Variants in COLQ observed in about 807,000 individuals in gnomAD.
COLQ encodes collagen like tail subunit of asymmetric acetylcholinesterase, also known as acetylcholinesterase collagenic tail peptide.
A neutral mutation model predicts 69.0 loss-of-function variants in COLQ; 48 were observed. The ratio of observed to expected loss-of-function variants is 0.70; its 90% CI spans 0.55 to 0.88. The LOEUF (loss-of-function observed/expected upper bound fraction) is 0.88, where lower values mean the gene tolerates loss of function less well. Ranked by LOEUF, COLQ falls within the 40% of genes least tolerant of loss-of-function variation. The pLI is 0.00. For missense variants in COLQ, 618 were observed against 594.6 expected (o/e 1.04, Z -0.41); for synonymous variants, 217 against 211.2 (o/e 1.03, Z -0.24).
At chr3:15,492,666 CAA>C (rs72252382) in intron 1 of COLQ, among the ~76,000 whole-genome samples, 43 of 130,734 alleles carry the variant, frequency 3.3e-4, no homozygotes, top group South Asian at 1.2e-3. Context: ...GACTCCGTCT[CAA>C]AAAAAAAAAA....
intron 1 of COLQ, among the ~76,000 whole-genome samples, chr3:15,514,938 T>C (rs184143779): frequency 2.6e-5 from 4 of 152,376 alleles, no homozygotes; most frequent in East Asian, 1.9e-4. Flanking sequence ...AGAAATACTT[T>C]TTGTTTTTAA....
At chr3:15,477,079 C>G in intron 6 of COLQ, 47 bp downstream of exon 6, 1 of 1,529,048 alleles carries the variant, frequency 6.5e-7, no homozygotes, top group Non-Finnish European at 8.9e-7. Flanking sequence ...CATCTTCCCC[C>G]CTCTTGTTTT....
chr3:15,492,046 G>A (rs777257155), intron 1 of COLQ, among the ~76,000 whole-genome samples: 1 of 145,912 alleles, frequency 6.9e-6, no homozygotes, highest in African/African-American at 2.5e-5. Flanking sequence ...AACAGAGTGA[G>A]ACTCCATCTC....
intron 14 of COLQ, 78 bp downstream of exon 14, chr3:15,456,382 G>C: frequency 6.3e-7 from 1 of 1,593,034 alleles, no homozygotes; most frequent in Non-Finnish European, 8.6e-7. Context: ...GGCCCAGTGG[G>C]GTGGCCTTCC....
Position 15,473,188 on chromosome 3 carries a change from T to C in COLQ, c.636+812A>G, listed in dbSNP as rs1035085610. On this transcript the variant is annotated intron_variant, in intron 10 of 16. Coordinates refer to ENST00000383788, the MANE Select transcript of COLQ (RefSeq NM_005677.4). The surrounding 1 kb of genome is among the most constrained non-coding windows in gnomAD (Gnocchi z 4.0). ...TATTTATTGAGACAGGGTCTGCCTC[T>C]GTGGCCCAGGCTGGAGTGCAGTGGT... Among the ~76,000 whole-genome samples the C allele has an allele frequency of 4.6e-5, 7 of 151,686 alleles. No individual in the cohort carries two copies. Among genetic ancestry groups the C allele is most frequent in the Admixed American group, 2.6e-4 (4 of 15,252 alleles).
At chr3:15,467,545 T>C (rs2062217623) in intron 11 of COLQ, among the ~76,000 whole-genome samples, 1 of 152,252 alleles carries the variant, frequency 6.6e-6, no homozygotes, top group African/African-American at 2.4e-5. Flanking sequence ...CTTTTCTGCC[T>C]ATTCTGGGAG....
intron 3 of COLQ, among the ~76,000 whole-genome samples, chr3:15,484,756 TTC>T (rs1297732268): frequency 2.6e-5 from 4 of 151,886 alleles, no homozygotes; most frequent in African/African-American, 9.7e-5. Flanking sequence ...TGCTGTGGTT[TTC>T]AGCTCCAACA....
rs1426825698 is a variant in COLQ, at chr3:15,488,310, T to A, written c.220-3A>T. ...TTCTTCATGTCTGGGGAGAGAAGCT[T>A]CAGTACAAAGCAACACAGAGTTAGA... is the stretch of plus-strand genomic sequence containing the variant. On this transcript the variant is annotated splice_region_variant and splice_polypyrimidine_tract_variant and intron_variant, in intron 2 of 16. Coordinates refer to ENST00000383788, the MANE Select transcript of COLQ (RefSeq NM_005677.4). 9.3e-6 allele frequency: 15 copies of A among 1,612,636 alleles called. No homozygotes were observed. In the Admixed American group the frequency reaches 2.3e-4, roughly 25 times the overall value.
chr3:15,467,458 T>C (rs915415298), intron 11 of COLQ, among the ~76,000 whole-genome samples: 1 of 152,214 alleles, frequency 6.6e-6, no homozygotes, highest in Non-Finnish European at 1.5e-5. Flanking sequence ...CTTGGTTCCA[T>C]CTGTTTCACG....
intron 1 of COLQ, chr3:15,498,978 A>C: frequency 1.7e-6 from 2 of 1,167,868 alleles, no homozygotes; most frequent in East Asian, 5.8e-5. Context: ...TTGACTCAAA[A>C]TACCACAGCA....
At chr3:15,456,658 A>C (rs564085701) in intron 13 of COLQ, 79 bp from the exon 14 acceptor site, 50 of 1,588,512 alleles carry the variant, frequency 3.1e-5, no homozygotes, top group Admixed American at 1.2e-4. Flanking sequence ...AGGAAACAGA[A>C]TCTCTATCCT....
chr3:15,499,051 G>A (rs1279985561), intron 1 of COLQ, among the ~76,000 whole-genome samples: 1 of 151,126 alleles, frequency 6.6e-6, no homozygotes, highest in Admixed American at 6.6e-5. Flanking sequence ...AGGGGAGCCT[G>A]CCCTCCTCTG....
At chr3:15,491,627 A>G (rs924543032) in intron 1 of COLQ, among the ~76,000 whole-genome samples, 5 of 152,282 alleles carry the variant, frequency 3.3e-5, no homozygotes, top group African/African-American at 4.8e-5. Flanking sequence ...TCAGGCCTAA[A>G]GCGACCTTTT....
intron 11 of COLQ, among the ~76,000 whole-genome samples, chr3:15,469,504 G>A (rs1352503567): frequency 6.6e-6 from 1 of 152,150 alleles, no homozygotes; most frequent in Non-Finnish European, 1.5e-5. Context: ...TTTGAAAACT[G>A]GACTGGATGA....
rs1008995828 is a variant in COLQ, at chr3:15,505,552, G to A, written c.107-15915C>T. ...GCATGTGGTAAGTAGAGAGGAAGGCGGAGACAATGCTATTAGGAGCCAAGG... is the reference window on the plus strand; with the variant it reads ...GCATGTGGTAAGTAGAGAGGAAGGCAGAGACAATGCTATTAGGAGCCAAGG... On this transcript the variant is annotated intron_variant, in intron 1 of 16. Coordinates refer to ENST00000383788, the MANE Select transcript of COLQ (RefSeq NM_005677.4). 9.2e-5 allele frequency among the ~76,000 whole-genome samples: 14 copies of A among 152,328 alleles called. No homozygotes were observed. The East Asian group carries it at 1.2e-3, about 13-fold the overall frequency.
intron 16 of COLQ, among the ~76,000 whole-genome samples, chr3:15,453,015 A>G (rs1299573314): frequency 1.3e-5 from 2 of 152,196 alleles, no homozygotes; most frequent in Non-Finnish European, 2.9e-5. Context: ...CCACTCTGGA[A>G]CCCAGTGAAG....
chr3:15,474,865 T>C, intron 8 of COLQ, 60 bp downstream of exon 8: 2 of 1,597,332 alleles, frequency 1.3e-6, no homozygotes, highest in Non-Finnish European at 1.7e-6. Context: ...TGCATGTCTC[T>C]GATTCCAGAG....
intron 3 of COLQ, among the ~76,000 whole-genome samples, chr3:15,485,736 T>C (rs779768701): frequency 3.9e-5 from 6 of 152,272 alleles, no homozygotes; most frequent in African/African-American, 7.2e-5. Context: ...TGTGGGAGTA[T>C]TGCTTGAGCC....
chr3:15,477,024 G>C (rs183968684), intron 6 of COLQ, 102 bp downstream of exon 6: 10 of 1,142,938 alleles, frequency 8.7e-6, no homozygotes, highest in Admixed American at 2.0e-5. Context: ...TCCCCCTCTT[G>C]AAGAAGGGAT....
Sources: allele counts gnomAD v4.1 joint callset (sites outside exome capture counted in the v4.1 genomes callset), GRCh38; gene constraint gnomAD v4.1.1; non-coding constraint Gnocchi (gnomAD v3.1); transcripts MANE v1.5; gene names NCBI Gene and HGNC (gene_info 2026-07-23, HGNC 2026-07-21).